Variants in RARB observed in about 807,000 individuals in gnomAD.
RARB encodes the protein retinoic acid receptor beta.
In RARB, 17 loss-of-function variants were observed where a neutral mutation model predicts 51.9. The ratio of observed to expected loss-of-function variants is 0.33; its 90% CI spans 0.22 to 0.49. RARB has a LOEUF of 0.49. RARB is among the 20% of genes least tolerant of loss of function. The probability of loss-of-function intolerance (pLI) is 0.99; values close to 1 mark genes in which losing one functional copy is unlikely to be tolerated. For missense variants in RARB, 369 were observed against 550.8 expected (o/e 0.67, Z 3.30); for synonymous variants, 215 against 195.4 (o/e 1.10, Z -0.84).
intron 5 of RARB, among the ~76,000 whole-genome samples, chr3:25,255,001 A>G (rs1702826033): frequency 6.6e-6 from 1 of 152,162 alleles, no homozygotes; most frequent in South Asian, 2.1e-4. Context: ...TTCTCAAAAA[A>G]TATTAGCATT....
chr3:25,429,195 A>C (rs1031264330), intron 1 of RARB, among the ~76,000 whole-genome samples: 1 of 152,184 alleles, frequency 6.6e-6, no homozygotes, highest in South Asian at 2.1e-4. Context: ...GGTGACCACA[A>C]GACTTTAAAA....
chr3:24,881,972 G>A (rs1378845290), intron 2 of RARB, among the ~76,000 whole-genome samples: 2 of 152,006 alleles, frequency 1.3e-5, no homozygotes, highest in Non-Finnish European at 2.9e-5. Flanking sequence ...AAAAAGATAC[G>A]TAATTATGTG....
At chr3:25,485,177 A>G (rs1321229193) in intron 2 of RARB, among the ~76,000 whole-genome samples, 1 of 152,246 alleles carries the variant, frequency 6.6e-6, no homozygotes, top group Non-Finnish European at 1.5e-5. Flanking sequence ...GGAATTGTAC[A>G]TAGAAGCACA....
intron 5 of RARB, among the ~76,000 whole-genome samples, chr3:25,355,567 C>A (rs555682771): frequency 6.6e-6 from 1 of 151,814 alleles, no homozygotes. Context: ...AACCACTGAG[C>A]CTGATTTAAC....
At chr3:25,420,520 A>G (rs913756411) in intron 5 of RARB, among the ~76,000 whole-genome samples, 3 of 152,212 alleles carry the variant, frequency 2.0e-5, no homozygotes, top group Non-Finnish European at 4.4e-5. Context: ...CCAGTGGCCA[A>G]TGCCTTTGAC....
intron 2 of RARB, among the ~76,000 whole-genome samples, chr3:24,952,954 C>T (rs1036607951): frequency 2.6e-5 from 4 of 151,888 alleles, no homozygotes; most frequent in Admixed American, 1.3e-4. Context: ...ACATAGTTCG[C>T]AAAGCATATT....
At chr3:25,228,611 A>G (rs1702109432) in intron 5 of RARB, among the ~76,000 whole-genome samples, 1 of 151,538 alleles carries the variant, frequency 6.6e-6, no homozygotes, top group South Asian at 2.1e-4. Flanking sequence ...TTTATTTCCC[A>G]TTCCCTGAAA....
At chr3:25,188,234 C>A (rs1701021298) in intron 5 of RARB, among the ~76,000 whole-genome samples, 1 of 152,048 alleles carries the variant, frequency 6.6e-6, no homozygotes, top group Non-Finnish European at 1.5e-5. Context: ...TATTCAGGGA[C>A]CATGACATCT....
chr3:25,062,289 T>G (rs1429380019), intron 3 of RARB, among the ~76,000 whole-genome samples: 1 of 151,902 alleles, frequency 6.6e-6, no homozygotes, highest in Non-Finnish European at 1.5e-5. Context: ...TATTTTGTGT[T>G]TTGCCTTTTA....
At chr3:25,107,642 C>T (rs528604974) in intron 3 of RARB, among the ~76,000 whole-genome samples, 3 of 152,154 alleles carry the variant, frequency 2.0e-5, no homozygotes, top group African/African-American at 7.2e-5. Flanking sequence ...TTTTTTCCTA[C>T]ACATACATGC....
intron 3 of RARB, among the ~76,000 whole-genome samples, chr3:25,095,861 T>C (rs143796953): frequency 6.6e-6 from 1 of 152,224 alleles, no homozygotes; most frequent in Non-Finnish European, 1.5e-5. Flanking sequence ...TGGTGATGTC[T>C]TCTTAACTGC....
chr3:25,171,643 T>TAAAAAAA (rs770248970), intron 4 of RARB, among the ~76,000 whole-genome samples: 6 of 45,470 alleles, frequency 1.3e-4, no homozygotes, highest in East Asian at 7.0e-4. Flanking sequence ...CCCTGGTTGG[T>TAAAAAAA]AAAAAAAAAA....
At chr3:25,173,781 A>G (rs1368847560) in intron 4 of RARB, among the ~76,000 whole-genome samples, 3 of 152,184 alleles carry the variant, frequency 2.0e-5, no homozygotes, top group African/African-American at 7.2e-5. Flanking sequence ...AGTGCATGCT[A>G]ATGGGGGAGA....
chr3:25,234,143 C>T lies in RARB; in HGVS notation c.178+59568C>T, dbSNP rs75713778. Among the ~76,000 whole-genome samples, 1,497 of 152,160 alleles carry T rather than the reference C, an allele frequency of 9.8e-3. 28 individuals are homozygous for T. Among genetic ancestry groups the T allele is most frequent in the African/African-American group, 0.035 (1,435 of 41,534 alleles). On this transcript the variant is annotated intron_variant, in intron 5 of 11. Coordinates refer to the RARB transcript ENST00000383772. ...AGATTATGTGGAATTGCTATTAATT[C>T]TTTCTTAAATATTTTCTAGAATTTA...
intron 5 of RARB, among the ~76,000 whole-genome samples, chr3:25,246,923 C>A (rs1047287687): frequency 6.6e-6 from 1 of 152,214 alleles, no homozygotes; most frequent in African/African-American, 2.4e-5. Context: ...GCACCCACAG[C>A]TGCCCCTTCC....
At chr3:25,027,843 T>A (rs1697782311) in intron 2 of RARB, among the ~76,000 whole-genome samples, 1 of 152,138 alleles carries the variant, frequency 6.6e-6, no homozygotes, top group African/African-American at 2.4e-5. Flanking sequence ...CAGTGAATGC[T>A]TTGTGATTTG....
chr3:24,994,279 T>G (rs982691707), intron 2 of RARB, among the ~76,000 whole-genome samples: 5 of 148,534 alleles, frequency 3.4e-5, no homozygotes, highest in Admixed American at 6.8e-5. Flanking sequence ...TTTTTCTATA[T>G]ATTTGTTGAT....
Position 25,234,406 on chromosome 3 carries a change from CTGTT to C in RARB, c.178+59835_178+59838del, listed in dbSNP as rs530256255. 2.1e-3 allele frequency among the ~76,000 whole-genome samples: 315 copies of C among 152,264 alleles called. 3 individuals are homozygous for C. The highest frequency in any genetic ancestry group is 7.2e-3 in the African/African-American group (301 of 41,568). The stretch of plus-strand genomic sequence containing the variant: ...TATTAGTAAGTTGCATCTCCTCTCT[CTGTT>C]TGTCAGTCTGGCTAGATGCTTAACA... On this transcript the variant is annotated intron_variant, in intron 5 of 11. Coordinates refer to the RARB transcript ENST00000383772.
intron 2 of RARB, among the ~76,000 whole-genome samples, chr3:24,993,548 C>G (rs1280334344): frequency 6.6e-6 from 1 of 152,084 alleles, no homozygotes; most frequent in Admixed American, 6.5e-5. Context: ...CTCCTTCTGG[C>G]TATTTGAAAT....
Sources: gnomAD v4.1 joint callset for allele counts (sites outside exome capture counted in the v4.1 genomes callset) on GRCh38, gnomAD v4.1.1 for gene constraint, MANE v1.5 for transcripts, NCBI Gene and HGNC (gene_info 2026-07-23, HGNC 2026-07-21) for gene names.